CDH4: variants seen among roughly 807,000 people sequenced by gnomAD.
The protein encoded by CDH4 is cadherin-4.
A neutral mutation model predicts 86.0 loss-of-function variants in CDH4; 33 were observed. The ratio of observed to expected loss-of-function variants is 0.38; its 90% confidence interval spans 0.29 to 0.51. The LOEUF is 0.51. Ranked by LOEUF, CDH4 falls within the 20% of genes least tolerant of loss-of-function variation. The pLI is 0.86. For synonymous variants in CDH4, 555 were observed against 549.4 expected (o/e 1.01, Z -0.14); for missense variants, 1,114 against 1,307.4 (o/e 0.85, Z 2.28).
chr20:61,255,658 C>T (rs1290110395), intron 2 of CDH4, among the ~76,000 whole-genome samples: 5 of 152,178 alleles, frequency 3.3e-5, no homozygotes, highest in Admixed American at 1.3e-4. Flanking sequence ...GATTTCAAAG[C>T]GATAGAGGAA....
chr20:61,550,915 A>G (rs893379544), intron 2 of CDH4, among the ~76,000 whole-genome samples: 3 of 152,220 alleles, frequency 2.0e-5, no homozygotes, highest in Admixed American at 6.5e-5. Flanking sequence ...CAGTGCGCAG[A>G]CAGAATCTCC....
At chr20:61,619,979 T>C (rs2086756909) in intron 2 of CDH4, among the ~76,000 whole-genome samples, 1 of 152,112 alleles carries the variant, frequency 6.6e-6, no homozygotes, top group Non-Finnish European at 1.5e-5. Flanking sequence ...TGTTGGGACA[T>C]CGGCAGAAGG....
At chr20:61,336,523 C>T (rs1363052063) in intron 2 of CDH4, among the ~76,000 whole-genome samples, 2 of 152,092 alleles carry the variant, frequency 1.3e-5, no homozygotes, top group Non-Finnish European at 2.9e-5. Context: ...CCCTTTTTGT[C>T]TCCTACCTGG....
At chr20:61,660,699 C>T (rs2087243959) in intron 2 of CDH4, among the ~76,000 whole-genome samples, 1 of 152,170 alleles carries the variant, frequency 6.6e-6, no homozygotes. Flanking sequence ...GCTTGGGTCC[C>T]AGAAGGCCTA....
chr20:61,437,306 T>G (rs982877134), intron 2 of CDH4: 1 of 152,232 alleles, frequency 6.6e-6, no homozygotes, highest in Non-Finnish European at 1.5e-5. Context: ...TTTTCCTTTA[T>G]GGTATATGTT....
At chr20:61,775,334 G>T (rs1421735853) in intron 4 of CDH4, among the ~76,000 whole-genome samples, 1 of 151,894 alleles carries the variant, frequency 6.6e-6, no homozygotes, top group Admixed American at 6.6e-5. Flanking sequence ...ACAGGGAGCG[G>T]GCTTCCATCA....
intron 2 of CDH4, among the ~76,000 whole-genome samples, chr20:61,451,122 GCCCC>G (rs11313145): frequency 9.9e-6 from 1 of 100,584 alleles, no homozygotes; most frequent in Non-Finnish European, 2.2e-5. Flanking sequence ...TCCCTCTCAC[GCCCC>G]CCCCCTTCCC....
At chr20:61,736,813 A>G (rs2088271982) in intron 2 of CDH4, among the ~76,000 whole-genome samples, 1 of 152,154 alleles carries the variant, frequency 6.6e-6, no homozygotes, top group South Asian at 2.1e-4. Context: ...GGCGGGGGCC[A>G]CAGAAACTCC....
chr20:61,354,946 C>T (rs961097035), intron 2 of CDH4, among the ~76,000 whole-genome samples: 4 of 152,188 alleles, frequency 2.6e-5, no homozygotes, highest in Admixed American at 2.0e-4. Flanking sequence ...TAGGCATCAC[C>T]GGCCACATTT....
At chr20:61,931,068 C>A (rs1316690547) in intron 13 of CDH4, among the ~76,000 whole-genome samples, 1 of 152,248 alleles carries the variant, frequency 6.6e-6, no homozygotes, top group Non-Finnish European at 1.5e-5. Flanking sequence ...TCGTGGGCAC[C>A]TCAGCCCTGG....
At chr20:61,350,866 CT>C (rs11086736) in intron 2 of CDH4, among the ~76,000 whole-genome samples, 2 of 151,982 alleles carry the variant, frequency 1.3e-5, no homozygotes, top group Admixed American at 6.5e-5. Flanking sequence ...CGCATGCTGC[CT>C]TTTTTTTATT....
At chr20:61,327,645 G>A (rs1426818712) in intron 2 of CDH4, among the ~76,000 whole-genome samples, 2 of 152,172 alleles carry the variant, frequency 1.3e-5, no homozygotes, top group Non-Finnish European at 2.9e-5. Flanking sequence ...AGTTGGTGGA[G>A]TACAAATTGC....
At chr20:61,888,079 A>C (rs1271225323) in intron 7 of CDH4, among the ~76,000 whole-genome samples, 1 of 152,246 alleles carries the variant, frequency 6.6e-6, no homozygotes, top group Non-Finnish European at 1.5e-5. Flanking sequence ...AAGAGTGTCC[A>C]CAGCGAGGCT....
intron 2 of CDH4, chr20:61,570,736 T>C (rs2086335709): frequency 2.8e-6 from 2 of 702,286 alleles, no homozygotes; most frequent in East Asian, 5.4e-5. Context: ...GCAGGGAAAA[T>C]GCAGGAGGTA....
intron 2 of CDH4, among the ~76,000 whole-genome samples, chr20:61,583,222 A>G (rs1305590305): frequency 2.6e-5 from 2 of 76,234 alleles, no homozygotes; most frequent in Non-Finnish European, 4.5e-5. Context: ...GGGGGGACAG[A>G]CGGTTCTGCG....
In CDH4 at chr20:61,498,143, A is replaced by C. The variant is rs2085675719; in HGVS notation, c.169+243206A>C. On this transcript the variant is annotated intron_variant, in intron 2 of 15. Coordinates refer to ENST00000614565, the MANE Select transcript of CDH4 (RefSeq NM_001794.5). ...AATGGGTGCAGCACACCAACATGGC[A>C]CATGTATACATATGTAACTAACCTG... Among the ~76,000 whole-genome samples the C allele has an allele frequency of 2.0e-5, 3 of 151,952 alleles. No individual in the cohort carries two copies. The South Asian group carries it at 6.2e-4, about 32-fold the overall frequency.
At chr20:61,637,939 G>A (rs2086964505) in intron 2 of CDH4, among the ~76,000 whole-genome samples, 1 of 151,612 alleles carries the variant, frequency 6.6e-6, no homozygotes, top group Admixed American at 6.6e-5. Context: ...GAGAATCGCT[G>A]GAAGGAGCCC....
chr20:61,714,247 T>A (rs964898127), intron 2 of CDH4, among the ~76,000 whole-genome samples: 3 of 151,700 alleles, frequency 2.0e-5, no homozygotes, highest in Admixed American at 6.6e-5. Context: ...GGGGTTTCAC[T>A]GTGTTAGCCA....
At chr20:61,297,511 G>A (rs768657026) in intron 2 of CDH4, among the ~76,000 whole-genome samples, 5 of 152,252 alleles carry the variant, frequency 3.3e-5, no homozygotes, top group Admixed American at 6.5e-5. Flanking sequence ...TCTCAGAGGC[G>A]AATCCCCATG....
Sources: gnomAD v4.1 joint callset for allele counts (sites outside exome capture counted in the v4.1 genomes callset) on GRCh38, gnomAD v4.1.1 for gene constraint, MANE v1.5 for transcripts, NCBI Gene and HGNC (gene_info 2026-07-23, HGNC 2026-07-21) for gene names.